Variants in PTPRQ observed in about 807,000 individuals in gnomAD.
The protein encoded by PTPRQ is phosphatidylinositol phosphatase PTPRQ.
In PTPRQ, 199 loss-of-function variants were observed where a neutral mutation model predicts 246.0. That is an observed-to-expected ratio of 0.81 (90% CI 0.72 to 0.91). The LOEUF (loss-of-function observed/expected upper bound fraction) is 0.91, where lower values mean the gene tolerates loss of function less well. Ranked by LOEUF, PTPRQ falls within the 40% of genes least tolerant of loss-of-function variation. The pLI, the probability that PTPRQ is intolerant of heterozygous loss-of-function variation, is 0.00. For missense variants in PTPRQ, 2,624 were observed against 2,528.4 expected, an observed-to-expected ratio of 1.04 and a Z score of -0.81; for synonymous variants, 869 against 853.2, an observed-to-expected ratio of 1.02 and a Z score of -0.32.
chr12:80,502,676 G>A (rs1161904801), intron 14 of PTPRQ, among the ~76,000 whole-genome samples: 1 of 151,840 alleles, frequency 6.6e-6, no homozygotes, highest in Non-Finnish European at 1.5e-5. Context: ...GCACAGTGAA[G>A]ATTTGATGAG....
intron 14 of PTPRQ, among the ~76,000 whole-genome samples, chr12:80,504,257 G>A (rs1894888554): frequency 2.0e-5 from 3 of 151,566 alleles, no homozygotes. Flanking sequence ...TTTCACTAAA[G>A]TTCTCTTCTT....
intron 26 of PTPRQ, among the ~76,000 whole-genome samples, chr12:80,597,352 A>G (rs184276395): frequency 2.8e-4 from 42 of 152,128 alleles, no homozygotes; most frequent in Admixed American, 2.4e-3. Context: ...TCATGGTAGC[A>G]TGAAAATGGT....
chr12:80,550,884 A>G (rs1292856365), intron 25 of PTPRQ, among the ~76,000 whole-genome samples: 1 of 152,014 alleles, frequency 6.6e-6, no homozygotes, highest in Non-Finnish European at 1.5e-5. Flanking sequence ...TTCCCCCATC[A>G]TCCATATTTA....
intron 1 of PTPRQ, 55 bp from the exon 2 acceptor site, chr12:80,444,686 C>G (rs1227578303): frequency 1.5e-6 from 2 of 1,304,070 alleles, no homozygotes; most frequent in African/African-American, 2.9e-5. Flanking sequence ...TTTATTTTAG[C>G]TTGCTTGCTT....
At chr12:80,578,581 G>C (rs1372638272) in intron 25 of PTPRQ, among the ~76,000 whole-genome samples, 1 of 151,870 alleles carries the variant, frequency 6.6e-6, no homozygotes, top group Non-Finnish European at 1.5e-5. Flanking sequence ...TTTTAGTAGA[G>C]ACGAGGTTCC....
rs1893527414 is a variant in PTPRQ, at chr12:80,468,749, T to C, written c.950T>C (p.Ile317Thr). The change falls in exon 7 of 45, where the codon ATC becomes ACC. Residue 317 changes from isoleucine (I) to threonine (T), a missense_variant. By Grantham distance (89) the Ile-to-Thr change is moderately conservative (BLOSUM62 -1). Transcript: ENST00000644991. ...CCACAAAACTGCGTAACAGGCAACA[T>C]CACAGGAAAGTCCTTTTCAATTTTA... The part of the protein sequence containing the change: ...GPPQNCVTGN[I>T]TGKSFSILWD... 1.3e-6 allele frequency: 2 copies of C among 1,549,952 alleles called. No homozygotes were observed. Among genetic ancestry groups the C allele is most frequent in the Non-Finnish European group, 1.7e-6 (2 of 1,146,232 alleles).
chr12:80,609,758 G>A (rs1250393129), intron 27 of PTPRQ, among the ~76,000 whole-genome samples: 1 of 150,458 alleles, frequency 6.6e-6, no homozygotes, highest in South Asian at 2.1e-4. Context: ...AAATGAGGTG[G>A]AATAAAGTTA....
Position 80,556,201 on chromosome 12 carries a change from G to C in PTPRQ, c.4285+6467G>C, listed in dbSNP as rs370514159. ...TGCCACCACACCCAGCTAATTTTTC[G>C]TATTTTTAGTAGACATGGGGTTTTG... is the stretch of plus-strand genomic sequence containing the variant. On this transcript the variant is annotated intron_variant, in intron 25 of 44. Transcript: ENST00000644991. Among the ~76,000 whole-genome samples, 14 of 152,098 alleles carry C rather than the reference G, an allele frequency of 9.2e-5. No homozygotes were observed. In the East Asian group the frequency reaches 2.5e-3, roughly 27 times the overall value.
chr12:80,512,843 C>G (rs1895161667), intron 17 of PTPRQ: 1 of 151,952 alleles, frequency 6.6e-6, no homozygotes, highest in Non-Finnish European at 1.5e-5. Context: ...CAGGGGAAGC[C>G]CAATGAAAGT....
chr12:80,454,096 G>A (rs1211157370), intron 3 of PTPRQ, among the ~76,000 whole-genome samples: 238 of 107,178 alleles, frequency 2.2e-3, no homozygotes, highest in African/African-American at 0.011. Flanking sequence ...ACCCAGCCTC[G>A]CTGCCACCTT....
chr12:80,640,062 G>GTGTA (rs1160569386), intron 35 of PTPRQ, among the ~76,000 whole-genome samples: 1 of 149,834 alleles, frequency 6.7e-6, no homozygotes, highest in Admixed American at 6.6e-5. Flanking sequence ...GTGTGTGTGT[G>GTGTA]TGTTTAACTT....
At chr12:80,507,878 T>C (rs755458561) in intron 16 of PTPRQ, among the ~76,000 whole-genome samples, 15 of 152,090 alleles carry the variant, frequency 9.9e-5, no homozygotes, top group Admixed American at 2.0e-4. Flanking sequence ...AGTGCTCTTT[T>C]CTATCTTATG....
At position 80,651,906 on chromosome 12, in the gene PTPRQ, C is replaced by T. The variant is rs73353313; in HGVS notation, c.6025-838C>T. ...ACATACCCATATGTAAACAATTGTC[C>T]AGATTTTAATTTTGAGAAAAAAAAA... On this transcript the variant is annotated intron_variant, in intron 37 of 44. Transcript: ENST00000644991. Among the ~76,000 whole-genome samples, 1,197 of 151,468 alleles carry T rather than the reference C, an allele frequency of 7.9e-3. 15 individuals are homozygous for T. The highest frequency in any genetic ancestry group is 0.027 in the African/African-American group (1,117 of 41,318).
chr12:80,538,216 TTAGA>T (rs1457023949), intron 19 of PTPRQ, among the ~76,000 whole-genome samples: 3 of 152,218 alleles, frequency 2.0e-5, no homozygotes, highest in East Asian at 3.8e-4. Flanking sequence ...TAAGCCTTAC[TTAGA>T]TAATTTGTGC....
intron 25 of PTPRQ, among the ~76,000 whole-genome samples, chr12:80,578,047 AT>A (rs966545170): frequency 3.0e-4 from 45 of 148,480 alleles, no homozygotes; most frequent in South Asian, 1.1e-3. Context: ...AGAATGGGAA[AT>A]TTTTTTTTTT....
At chr12:80,477,294 ATATT>A (rs1218510008) in intron 8 of PTPRQ, among the ~76,000 whole-genome samples, 1 of 152,180 alleles carries the variant, frequency 6.6e-6, no homozygotes, top group Non-Finnish European at 1.5e-5. Flanking sequence ...CTTACCAACT[ATATT>A]TAATTGCATT....
intron 8 of PTPRQ, among the ~76,000 whole-genome samples, chr12:80,480,875 A>G (rs11114475): frequency 0.52 from 79,540 of 152,068 alleles, 25,040 homozygotes; most frequent in Non-Finnish European, 0.7. Flanking sequence ...AATTGTGGCA[A>G]TAAGCAATAG....
chr12:80,481,290 T>C (rs1363299038), intron 8 of PTPRQ, among the ~76,000 whole-genome samples: 8 of 152,134 alleles, frequency 5.3e-5, no homozygotes, highest in Non-Finnish European at 1.2e-4. Flanking sequence ...ATTATCTCAA[T>C]AGATGCAGAA....
chr12:80,639,043 G>C (rs905113185), intron 35 of PTPRQ, among the ~76,000 whole-genome samples: 1 of 152,160 alleles, frequency 6.6e-6, no homozygotes, highest in African/African-American at 2.4e-5. Context: ...AGTTAGAAAG[G>C]TTTCTTAGAG....
Sources: gnomAD v4.1 joint callset for allele counts (sites outside exome capture counted in the v4.1 genomes callset) on GRCh38, gnomAD v4.1.1 for gene constraint, MANE v1.5 for transcripts, NCBI Gene and HGNC (gene_info 2026-07-23, HGNC 2026-07-21) for gene names.